CELF2: variants seen among roughly 807,000 people sequenced by gnomAD.
The protein encoded by CELF2 is CUGBP Elav-like family member 2.
Under a neutral mutation model 62.6 loss-of-function variants are expected in CELF2, and 8 were observed. The ratio of observed to expected loss-of-function variants is 0.13; its 90% confidence interval spans 0.07 to 0.23. The LOEUF is 0.23. Ranked by LOEUF, CELF2 falls within the 10% of genes least tolerant of loss-of-function variation. The pLI is 1.00. For synonymous variants in CELF2, 258 were observed against 250.0 expected, an observed-to-expected ratio of 1.03 and a Z score of -0.30; for missense variants, 333 against 671.0, an observed-to-expected ratio of 0.50 and a Z score of 5.56.
Position 10,997,285 on chromosome 10 carries a change from G to A in CELF2, c.89+77286G>A, listed in dbSNP as rs1275633097. Among the ~76,000 whole-genome samples, 1 of 152,206 alleles carries A rather than the reference G, an allele frequency of 6.6e-6. No homozygotes were observed. The highest frequency in any genetic ancestry group is 2.4e-5 in the African/African-American group (1 of 41,458). On this transcript the variant is annotated intron_variant, in intron 2 of 13. Transcript: ENST00000636488. The surrounding 1 kb of genome is among the most constrained non-coding windows in gnomAD (Gnocchi z 5.3). ...CCACTGCACTCTAGCCTGAGCAACAGAGCAAGACACCATCTCTGAAAAAGT... is the reference window on the plus strand; with the variant it reads ...CCACTGCACTCTAGCCTGAGCAACAAAGCAAGACACCATCTCTGAAAAAGT...
chr10:10,719,551 C>T, the CELF2 span, among the ~76,000 whole-genome samples: 1 of 152,138 alleles, frequency 6.6e-6, no homozygotes, highest in Non-Finnish European at 1.5e-5. Context: ...TAAGAGTCAG[C>T]CACTGTGTAC....
rs2082239929 is a variant in CELF2 at position 11,266,583 on chromosome 10, C to G, written c.539-15C>G. 6.2e-7 allele frequency: 1 copy of G among 1,611,764 alleles called. No individual in the cohort carries two copies. The highest frequency in any genetic ancestry group is 1.3e-5 in the African/African-American group (1 of 74,844). On this transcript the variant is annotated splice_polypyrimidine_tract_variant and intron_variant, in intron 5 of 12. Transcript: ENST00000633077. ...TTTTTGTCTTTCCTGCTCCCTGTCC[C>G]CTTGTTTCCCACAGGCTGTGCGTTT...
chr10:11,213,126 C>T (rs1163748233), intron 2 of CELF2, among the ~76,000 whole-genome samples: 1 of 152,186 alleles, frequency 6.6e-6, no homozygotes, highest in African/African-American at 2.4e-5. Context: ...TCACTCCACT[C>T]CATGGACAGT....
chr10:10,522,409 G>A, the CELF2 span, among the ~76,000 whole-genome samples: 13 of 152,234 alleles, frequency 8.5e-5, no homozygotes, highest in African/African-American at 2.6e-4. Context: ...AAATGTGCAC[G>A]AACATGGATT....
chr10:10,556,664 TC>T, the CELF2 span, among the ~76,000 whole-genome samples: 8 of 152,100 alleles, frequency 5.3e-5, no homozygotes, highest in African/African-American at 1.9e-4. Flanking sequence ...GTAAAAGTGT[TC>T]CTGTTTCTCC....
rs2096063835 is a variant in CELF2 at position 11,333,300 on chromosome 10, C to CAAAAGG, written c.*4252_*4257dup. ...TCCACTTTTATCTTTTAATAAATAT[C>CAAAAGG]AAAAGGAAAAAGCTGCAAGGGTGCA... On this transcript the variant is annotated 3_prime_UTR_variant, in exon 13 of 13. Transcript: ENST00000633077. The CAAAAGG allele has an allele frequency of 6.6e-6, 1 of 152,456 alleles. No individual in the cohort carries two copies. Among genetic ancestry groups the CAAAAGG allele is most frequent in the Non-Finnish European group, 1.5e-5 (1 of 68,014 alleles). 9.4% of individuals were successfully genotyped at this position (152,456 alleles called of 1,614,324 possible). A position where few individuals can be genotyped will look rare whatever the true frequency, so the allele number is the denominator to read the frequency against.
Position 10,849,327 on chromosome 10 carries a change from G to A in CELF2, c.53+50510G>A, listed in dbSNP as rs929841588. ...TGGGAGGATGAGGCAGAAGAATCAC[G>A]AACCAGGAGGCAGAGGTTGCAGTGA... On this transcript the variant is annotated intron_variant, in intron 1 of 13. Coordinates refer to the CELF2 transcript ENST00000636488. Among the ~76,000 whole-genome samples the A allele has an allele frequency of 2.6e-5, 4 of 151,690 alleles. No homozygotes were observed. The South Asian group carries it at 6.3e-4, about 24-fold the overall frequency.
Position 11,217,635 on chromosome 10 carries a change from C to G in CELF2, c.354+128C>G, listed in dbSNP as rs958595994. ...GTCTTTTGAGGAGTGTGTGCTGACC[C>G]CCCAGTTCCCTGCAGCAGCCACACC... On this transcript the variant is annotated intron_variant, in intron 3 of 12. Transcript: ENST00000633077. This position sits in a 1 kb window ranked among gnomAD's most constrained non-coding sequence, Gnocchi z 5.6. The G allele has an allele frequency of 1.7e-5, 10 of 594,530 alleles. No individual in the cohort carries two copies. The African/African-American group carries it at 1.7e-4, about 10-fold the overall frequency. The allele number at this position is 594,530 out of a possible 1,614,324, so 36.8% of individuals were successfully genotyped here. A position where few individuals can be genotyped will look rare whatever the true frequency, so the allele number is the denominator to read the frequency against.
rs2053607855 is a variant in CELF2, at chr10:10,993,159, T to C, written c.89+73160T>C. 6.6e-6 allele frequency among the ~76,000 whole-genome samples: 1 copy of C among 151,996 alleles called. No homozygotes were observed. The highest frequency in any genetic ancestry group is 6.6e-5 in the Admixed American group (1 of 15,262). On this transcript the variant is annotated intron_variant, in intron 2 of 13. Coordinates refer to the CELF2 transcript ENST00000636488. The surrounding 1 kb of genome is among the most constrained non-coding windows in gnomAD (Gnocchi z 5.3). ...GCGAGTCAGCAGATCAGTAATAAGGTGTATGAGCTACAAAATAACTGTTGC... is the reference window on the plus strand; with the variant it reads ...GCGAGTCAGCAGATCAGTAATAAGGCGTATGAGCTACAAAATAACTGTTGC...
intron 1 of CELF2, among the ~76,000 whole-genome samples, chr10:11,113,525 T>C (rs1205306388): frequency 6.6e-6 from 1 of 152,204 alleles, no homozygotes; most frequent in Non-Finnish European, 1.5e-5. Context: ...ATGCTGGAGA[T>C]ACAGTGGTGG....
In CELF2 at chr10:11,246,808, C is replaced by G. The variant is rs116760027; in HGVS notation, c.355-2345C>G. ...GCGCATACCTGTGGCTTCACTGTCACGCTAAGGAACATTCTCTGTGGCCCT... is the reference window on the plus strand; with the variant it reads ...GCGCATACCTGTGGCTTCACTGTCAGGCTAAGGAACATTCTCTGTGGCCCT... On this transcript the variant is annotated intron_variant, in intron 3 of 12. Transcript: ENST00000633077. The surrounding 1 kb of genome is among the most constrained non-coding windows in gnomAD (Gnocchi z 4.6). Among the ~76,000 whole-genome samples the G allele has an allele frequency of 1.3e-5, 2 of 152,226 alleles. No homozygotes were observed. Among genetic ancestry groups the G allele is most frequent in the Admixed American group, 6.5e-5 (1 of 15,286 alleles).
chr10:11,261,340 C>G (rs1186852918), intron 5 of CELF2, among the ~76,000 whole-genome samples: 1 of 151,574 alleles, frequency 6.6e-6, no homozygotes, highest in African/African-American at 2.4e-5. Context: ...AGTACCCCCA[C>G]TGTGTCAGAG....
Position 11,243,323 on chromosome 10 carries a change from T to C in CELF2, c.355-5830T>C, listed in dbSNP as rs1248036761. On this transcript the variant is annotated intron_variant, in intron 3 of 12. Coordinates refer to ENST00000633077, the MANE Select transcript of CELF2 (RefSeq NM_001326342.2). The surrounding 1 kb of genome is among the most constrained non-coding windows in gnomAD (Gnocchi z 4.1). ...TAAATAGAGACCAAGAAGTTAACCA[T>C]GTACCTTAACGTGCGGCTTTAGGCA... 1.3e-5 allele frequency among the ~76,000 whole-genome samples: 2 copies of C among 148,868 alleles called. No individual in the cohort carries two copies. Among genetic ancestry groups the C allele is most frequent in the Non-Finnish European group, 3.0e-5 (2 of 67,630 alleles).
In CELF2 at chr10:10,947,587, T is replaced by G. The variant is rs1203879841; in HGVS notation, c.89+27588T>G. ...AAGCATATGAAAGAGGAAATCAGTG[T>G]CCTATTGCCTCGGTGTCCTCAGTGC... On this transcript the variant is annotated intron_variant, in intron 2 of 13. Coordinates refer to the CELF2 transcript ENST00000636488. The surrounding 1 kb of genome is among the most constrained non-coding windows in gnomAD (Gnocchi z 4.1). The G allele has an allele frequency of 6.6e-6, 1 of 152,632 alleles. No homozygotes were observed. The highest frequency in any genetic ancestry group is 1.5e-5 in the Non-Finnish European group (1 of 68,036). The allele number at this position is 152,632 out of a possible 1,614,324, so 9.5% of individuals were successfully genotyped here.
intron 1 of CELF2, among the ~76,000 whole-genome samples, chr10:10,799,053 G>T (rs903678105): frequency 2.0e-5 from 3 of 152,188 alleles, no homozygotes; most frequent in Non-Finnish European, 2.9e-5. Context: ...CCTTGGCAAT[G>T]AGGGAGGACA....
rs116720890 is a variant in CELF2, at chr10:11,117,376, T to C, written c.75-48110T>C. Among the ~76,000 whole-genome samples the C allele has an allele frequency of 2.0e-3, 311 of 152,280 alleles. 4 individuals carry two copies. Among genetic ancestry groups the C allele is most frequent in the African/African-American group, 7.1e-3 (295 of 41,544 alleles). ...CTGATTTCACAAAAGTCAAAATGTT[T>C]TGCCCTGTAGAAATTGGTTAGGTAT... On this transcript the variant is annotated intron_variant, in intron 1 of 12. Coordinates refer to ENST00000633077, the MANE Select transcript of CELF2 (RefSeq NM_001326342.2). This position sits in a 1 kb window ranked among gnomAD's most constrained non-coding sequence, Gnocchi z 4.1.
At chr10:11,141,559 AAGTGGAAAAC>A (rs1191663470) in intron 1 of CELF2, among the ~76,000 whole-genome samples, 1 of 152,244 alleles carries the variant, frequency 6.6e-6, no homozygotes, top group African/African-American at 2.4e-5. Context: ...TGGGGGAGCC[AAGTGGAAAAC>A]ACATTTGTGT....
the CELF2 span, among the ~76,000 whole-genome samples, chr10:10,619,719 GCCAGAATCT>G: frequency 6.6e-6 from 1 of 152,210 alleles, no homozygotes; most frequent in African/African-American, 2.4e-5. Context: ...CACAGTTGGT[GCCAGAATCT>G]TGAAGATAGG....
chr10:10,632,731 A>G, the CELF2 span, among the ~76,000 whole-genome samples: 1 of 152,248 alleles, frequency 6.6e-6, no homozygotes, highest in Admixed American at 6.5e-5. Flanking sequence ...AACACGTAGT[A>G]TAAAATTCAG....
Sources: gnomAD v4.1 joint callset for allele counts (sites outside exome capture counted in the v4.1 genomes callset) on GRCh38, gnomAD v4.1.1 for gene constraint, Gnocchi (gnomAD v3.1) non-coding constraint, MANE v1.5 for transcripts, NCBI Gene and HGNC (gene_info 2026-07-23, HGNC 2026-07-21) for gene names.